MAPKAP1: variants seen among roughly 807,000 people sequenced by gnomAD.
The protein encoded by MAPKAP1 is target of rapamycin complex 2 subunit MAPKAP1.
A neutral mutation model predicts 65.7 loss-of-function variants in MAPKAP1; 20 were observed. The observed-to-expected ratio is 0.30, with a 90% CI of 0.21 to 0.44. The LOEUF is 0.44. Among genes scored for constraint, MAPKAP1 ranks in the 20% least tolerant of loss-of-function variants. The pLI is 1.00. For synonymous variants in MAPKAP1, 222 were observed against 244.3 expected (o/e 0.91, Z 0.85); for missense variants, 423 against 648.0 (o/e 0.65, Z 3.77).
chr9:125,500,803 T>C (rs1358549642), intron 8 of MAPKAP1, among the ~76,000 whole-genome samples: 3 of 152,298 alleles, frequency 2.0e-5, no homozygotes, highest in East Asian at 1.9e-4. Context: ...TTTATTTGTA[T>C]AACAAGGAAT....
In MAPKAP1 at chr9:125,439,460, C is replaced by T. The variant is rs770457290; in HGVS notation, c.1444-448G>A. Among the ~76,000 whole-genome samples, 1 of 152,242 alleles carries T rather than the reference C, an allele frequency of 6.6e-6. No individual in the cohort carries two copies. Among genetic ancestry groups the T allele is most frequent in the Non-Finnish European group, 1.5e-5 (1 of 68,040 alleles). On this transcript the variant is annotated intron_variant, in intron 11 of 11. Coordinates refer to ENST00000265960, the MANE Select transcript of MAPKAP1 (RefSeq NM_001006617.3). This position sits in a 1 kb window ranked among gnomAD's most constrained non-coding sequence, Gnocchi z 4.0. ...AAACCAAGACAGGCTCTCCATCCAG[C>T]CTCCCACCAGCCAGGCGCAGAGCTT... is the stretch of plus-strand genomic sequence containing the variant.
chr9:125,474,197 C>T (rs190873112), intron 9 of MAPKAP1, among the ~76,000 whole-genome samples: 2 of 152,286 alleles, frequency 1.3e-5, no homozygotes, highest in East Asian at 3.9e-4. Flanking sequence ...CTGGGACCTT[C>T]TCTACATCCC....
chr9:125,602,833 G>T (rs1832338464), intron 4 of MAPKAP1, among the ~76,000 whole-genome samples: 1 of 152,148 alleles, frequency 6.6e-6, no homozygotes, highest in African/African-American at 2.4e-5. Flanking sequence ...GGTGCAGCCT[G>T]GGCAACAGGG....
chr9:125,540,334 T>C (rs1830205563), intron 7 of MAPKAP1, among the ~76,000 whole-genome samples: 1 of 152,206 alleles, frequency 6.6e-6, no homozygotes. Context: ...TTATTATTAT[T>C]ATCAGACAAA....
intron 8 of MAPKAP1, among the ~76,000 whole-genome samples, chr9:125,490,138 G>T (rs780477215): frequency 1.8e-4 from 27 of 152,094 alleles, no homozygotes; most frequent in Non-Finnish European, 3.4e-4. Flanking sequence ...GTGGTGGTGG[G>T]GAATTCCCAA....
intron 7 of MAPKAP1, among the ~76,000 whole-genome samples, chr9:125,529,899 ACTAG>A (rs1829886046): frequency 6.6e-6 from 1 of 152,250 alleles, no homozygotes; most frequent in South Asian, 2.1e-4. Flanking sequence ...GCCCTTACTG[ACTAG>A]CTATTTTTCT....
At chr9:125,702,544 AT>A (rs1835633185) in intron 1 of MAPKAP1, among the ~76,000 whole-genome samples, 1 of 149,238 alleles carries the variant, frequency 6.7e-6, no homozygotes, top group African/African-American at 2.5e-5. Context: ...CACAAAAAAA[AT>A]AAAAGCAACA....
intron 8 of MAPKAP1, among the ~76,000 whole-genome samples, chr9:125,492,085 T>C (rs906087156): frequency 6.7e-6 from 1 of 149,480 alleles, no homozygotes; most frequent in Non-Finnish European, 1.5e-5. Context: ...ACACCTGTAG[T>C]CCCAGCTGCT....
chr9:125,490,055 A>G (rs933827572), intron 8 of MAPKAP1, among the ~76,000 whole-genome samples: 7 of 152,194 alleles, frequency 4.6e-5, no homozygotes, highest in Non-Finnish European at 8.8e-5. Flanking sequence ...GCACTGTAAT[A>G]GACTGTTGAG....
intron 9 of MAPKAP1, among the ~76,000 whole-genome samples, chr9:125,482,157 GAAGA>G (rs1324508755): frequency 7.2e-6 from 1 of 139,014 alleles, no homozygotes; most frequent in Non-Finnish European, 1.6e-5. Flanking sequence ...AAAAGAAGAA[GAAGA>G]AAGAAAGTGT....
intron 3 of MAPKAP1, among the ~76,000 whole-genome samples, chr9:125,667,886 A>G (rs1834387002): frequency 6.6e-6 from 1 of 152,212 alleles, no homozygotes; most frequent in South Asian, 2.1e-4. Context: ...GAATAAGATA[A>G]GTGATATAAA....
At chr9:125,479,302 G>A (rs940713656) in intron 9 of MAPKAP1, among the ~76,000 whole-genome samples, 7 of 152,252 alleles carry the variant, frequency 4.6e-5, no homozygotes, top group South Asian at 2.1e-4. Context: ...GGTGGAGGCC[G>A]GGCACGGTGG....
chr9:125,600,531 C>G (rs1321074140), intron 4 of MAPKAP1, among the ~76,000 whole-genome samples: 1 of 152,214 alleles, frequency 6.6e-6, no homozygotes, highest in Non-Finnish European at 1.5e-5. Flanking sequence ...CCTCTGTGAA[C>G]TGCAAACTAT....
intron 5 of MAPKAP1, among the ~76,000 whole-genome samples, chr9:125,568,342 TGAG>T (rs890597844): frequency 1.3e-5 from 2 of 152,248 alleles, no homozygotes; most frequent in South Asian, 2.1e-4. Flanking sequence ...TCGTGGGATA[TGAG>T]GAGTTTTTTC....
Position 125,590,009 on chromosome 9 carries a change from T to C in MAPKAP1, c.499-4282A>G, listed in dbSNP as rs151014994. 2.6e-5 allele frequency among the ~76,000 whole-genome samples: 4 copies of C among 152,344 alleles called. No homozygotes were observed. In the East Asian group the frequency reaches 7.7e-4, roughly 29 times the overall value. On this transcript the variant is annotated intron_variant, in intron 4 of 11. Coordinates refer to ENST00000265960, the MANE Select transcript of MAPKAP1 (RefSeq NM_001006617.3). The stretch of plus-strand genomic sequence containing the variant: ...GGTTACAATGCAAACAGTGGGAATC[T>C]TTCTGGAGTCGGTTGATAGCCCTCA...
intron 4 of MAPKAP1, among the ~76,000 whole-genome samples, chr9:125,608,977 T>C (rs1697685449): frequency 1.3e-5 from 2 of 152,144 alleles, no homozygotes; most frequent in African/African-American, 4.8e-5. Context: ...TTATTTCCAA[T>C]ACTGCCCTAC....
intron 4 of MAPKAP1, chr9:125,652,388 G>T: frequency 2.0e-6 from 1 of 496,146 alleles, no homozygotes; most frequent in Non-Finnish European, 2.7e-6. Context: ...CGACATTGTG[G>T]AATATTTCCC....
chr9:125,554,941 C>T (rs534523584), intron 6 of MAPKAP1, among the ~76,000 whole-genome samples: 9 of 151,824 alleles, frequency 5.9e-5, no homozygotes, highest in Non-Finnish European at 8.8e-5. Context: ...GGATGTTAAT[C>T]GTGATGTCTC....
chr9:125,633,713 ATAAC>A (rs980296791), intron 4 of MAPKAP1, among the ~76,000 whole-genome samples: 79 of 152,360 alleles, frequency 5.2e-4, no homozygotes, highest in Middle Eastern at 3.4e-3. Context: ...TATGAATAAC[ATAAC>A]TAACTTTTCT....
Sources: gnomAD v4.1 joint callset for allele counts (sites outside exome capture counted in the v4.1 genomes callset) on GRCh38, gnomAD v4.1.1 for gene constraint, Gnocchi (gnomAD v3.1) non-coding constraint, MANE v1.5 for transcripts, NCBI Gene and HGNC (gene_info 2026-07-23, HGNC 2026-07-21) for gene names.